The following H3C4 variants were observed in gnomAD, a reference collection of about 807,000 sequenced individuals.
H3C4 encodes histone H3.1.
In H3C4, 10 loss-of-function variants were observed where a neutral mutation model predicts 8.7. The observed-to-expected ratio is 1.15, with a 90% CI of 0.71 to 1.96. The LOEUF (loss-of-function observed/expected upper bound fraction) is 1.96. H3C4 is among the 30% of genes most tolerant of loss of function. H3C4 has a pLI of 0.00. For missense variants in H3C4, 216 were observed against 192.9 expected (o/e 1.12, Z -0.71); for synonymous variants, 141 against 80.1 (o/e 1.76, Z -4.06).
upstream of H3C4, among the ~76,000 whole-genome samples, chr6:26,197,854 T>A (rs553064518): frequency 6.8e-6 from 1 of 146,898 alleles, no homozygotes; most frequent in Admixed American, 6.9e-5. Flanking sequence ...CTTTTACAAG[T>A]TCAACTGGTA....
At chr6:26,197,299 T>G (rs761434234), upstream of H3C4, 1 of 1,578,768 alleles carries the variant, frequency 6.3e-7, no homozygotes, top group East Asian at 2.2e-5. Context: ...AAGTCTAGCC[T>G]TTCGTACCCG....
At chr6:26,198,941 G>A (rs1765054488), upstream of H3C4, 3 of 1,614,238 alleles carry the variant, frequency 1.9e-6, no homozygotes, top group East Asian at 2.2e-5. Flanking sequence ...GAGCAATTGT[G>A]ACTTTACCCA....
upstream of H3C4, among the ~76,000 whole-genome samples, chr6:26,198,367 T>C (rs2113858574): frequency 6.6e-6 from 1 of 152,368 alleles, no homozygotes; most frequent in East Asian, 1.9e-4. Flanking sequence ...AGTCTCGCTC[T>C]GTCGCCGAAA....
chr6:26,196,785 G>A lies in H3C4; in HGVS notation c.*55C>T, dbSNP rs74526984. The A allele has an allele frequency of 6.3e-7, 1 of 1,577,366 alleles. No individual in the cohort carries two copies. The highest frequency in any genetic ancestry group is 8.7e-7 in the Non-Finnish European group (1 of 1,152,420). ...AAACAGCAACTTTTATAGAAAAGGT[G>A]GTTGGCTCTGAAAAGAGCCTTTGGG... On this transcript the variant is annotated 3_prime_UTR_variant, in exon 1 of 1. Coordinates refer to ENST00000356476, the MANE Select transcript of H3C4 (RefSeq NM_001376937.1).
At chr6:26,199,203 T>C, upstream of H3C4, 2 of 1,612,412 alleles carry the variant, frequency 1.2e-6, no homozygotes, top group Non-Finnish European at 1.7e-6. Context: ...GGTCTTAGCC[T>C]TAGCTCGGGC....
chr6:26,199,174 GT>G (rs1220331397), upstream of H3C4: 1 of 1,614,150 alleles, frequency 6.2e-7, no homozygotes, highest in Non-Finnish European at 8.5e-7. Context: ...GGGAACTGGA[GT>G]CCGGCCCGCG....
At chr6:26,199,219 C>A, upstream of H3C4, 1 of 1,606,290 alleles carries the variant, frequency 6.2e-7, no homozygotes, top group African/African-American at 1.3e-5. Flanking sequence ...CGGGCCTTTC[C>A]GCCTTGCTTG....
chr6:26,197,007 CAGTCTTGA>C lies in H3C4; in HGVS notation c.236_243del (p.Phe79Ter). ...ACCGCCGAGCTCTGAAAACGCAGAT[CAGTCTTGA>C]AGTCCTGCGCGATCTCACGGACTAG... On this transcript the variant is annotated frameshift_variant, in exon 1 of 1. Coordinates refer to ENST00000356476, the MANE Select transcript of H3C4 (RefSeq NM_001376937.1). LOFTEE classifies it high-confidence loss of function. 1 of 1,614,236 alleles carries C rather than the reference CAGTCTTGA, an allele frequency of 6.2e-7. No homozygotes were observed. Among genetic ancestry groups the C allele is most frequent in the Non-Finnish European group, 8.5e-7 (1 of 1,180,042 alleles).
At chr6:26,198,431 A>G (rs975659563), upstream of H3C4, among the ~76,000 whole-genome samples, 1 of 152,158 alleles carries the variant, frequency 6.6e-6, no homozygotes, top group Non-Finnish European at 1.5e-5. Flanking sequence ...TCCGGGGTTC[A>G]ACATTTTCTC....
upstream of H3C4, chr6:26,198,753 A>G: frequency 8.1e-7 from 1 of 1,232,020 alleles, no homozygotes; most frequent in Non-Finnish European, 1.1e-6. Context: ...AGCTATTTAC[A>G]CAGAAAATGT....
chr6:26,198,917 C>G (rs1346854283), upstream of H3C4: 2 of 1,614,234 alleles, frequency 1.2e-6, no homozygotes, highest in Admixed American at 1.7e-5. Flanking sequence ...GGATGTTGGG[C>G]AGAACACCGC....
chr6:26,198,738 A>G (rs1466943847), upstream of H3C4: 2 of 1,068,120 alleles, frequency 1.9e-6, no homozygotes, highest in Non-Finnish European at 2.7e-6. Flanking sequence ...AGAAAACTGC[A>G]AAATAGCTAT....
upstream of H3C4, chr6:26,198,943 C>T (rs1561981692): frequency 3.1e-6 from 5 of 1,614,122 alleles, no homozygotes; most frequent in East Asian, 4.5e-5. Context: ...GCAATTGTGA[C>T]TTTACCCAGC....
At position 26,196,877 on chromosome 6, in the gene H3C4, A is replaced by T; in HGVS notation, c.374T>A (p.Ile125Asn). 1 of 1,614,216 alleles carries T rather than the reference A, an allele frequency of 6.2e-7. No homozygotes were observed. The highest frequency in any genetic ancestry group is 8.5e-7 in the Non-Finnish European group (1 of 1,180,032). ...AKRVTIMPKD[I>N]QLARRIRGER... ...CCCACGAATGCGGCGAGCAAGCTGG[A>T]TGTCCTTGGGCATGATAGTCACTCG... Residue 125 changes from isoleucine (I) to asparagine (N), a missense_variant, in exon 1 of 1, where the codon ATC becomes AAC. Physicochemically the swap from Ile to Asn is moderately radical, Grantham distance 149 (BLOSUM62 -3). Coordinates refer to ENST00000356476, the MANE Select transcript of H3C4 (RefSeq NM_001376937.1).
At chr6:26,198,693 T>A (rs1214562810), upstream of H3C4, among the ~76,000 whole-genome samples, 5 of 152,192 alleles carry the variant, frequency 3.3e-5, no homozygotes, top group African/African-American at 1.2e-4. Context: ...GATTCAGTGT[T>A]AAGAACACCC....
At chr6:26,198,442 C>T (rs1260010919), upstream of H3C4, among the ~76,000 whole-genome samples, 1 of 152,180 alleles carries the variant, frequency 6.6e-6, no homozygotes, top group Non-Finnish European at 1.5e-5. Flanking sequence ...ACATTTTCTC[C>T]TGCCTCAACC....
upstream of H3C4, among the ~76,000 whole-genome samples, chr6:26,197,923 A>G (rs1193292403): frequency 1.3e-5 from 2 of 151,510 alleles, no homozygotes; most frequent in Non-Finnish European, 2.9e-5. Flanking sequence ...AAATGGCACA[A>G]AAAGACCAGT....
chr6:26,199,287 TA>T (rs779963560), upstream of H3C4: 37 of 1,569,210 alleles, frequency 2.4e-5, no homozygotes, highest in African/African-American at 4.8e-4. Context: ...GACAAAAATG[TA>T]AAAGTGAATT....
At chr6:26,199,132 C>T (rs762441860), upstream of H3C4, 20 of 1,614,100 alleles carry the variant, frequency 1.2e-5, no homozygotes, top group East Asian at 1.1e-4. Context: ...GAGTAGTTGC[C>T]CTTGCGGAGC....
Sources: allele counts gnomAD v4.1 joint callset (sites outside exome capture counted in the v4.1 genomes callset), GRCh38; gene constraint gnomAD v4.1.1; transcripts MANE v1.5; gene names NCBI Gene and HGNC (gene_info 2026-07-23, HGNC 2026-07-21).